Variants in TBC1D30 observed in about 807,000 individuals in gnomAD.
TBC1D30 encodes TBC1 domain family member 30, also known as TBC1 domain family, member 30.
In TBC1D30, 31 loss-of-function variants were observed where a neutral mutation model predicts 63.2. That is an observed-to-expected ratio of 0.49 (90% CI 0.37 to 0.66). TBC1D30 has a LOEUF of 0.66. Among genes scored for constraint, TBC1D30 ranks in the 30% least tolerant of loss-of-function variants. The pLI is 0.00. For missense variants in TBC1D30, 810 were observed against 953.6 expected (o/e 0.85, Z 1.98); for synonymous variants, 307 against 361.5 (o/e 0.85, Z 1.71).
chr12:64,846,808 TC>T (rs1340056965), intron 8 of TBC1D30, among the ~76,000 whole-genome samples: 1 of 144,490 alleles, frequency 6.9e-6, no homozygotes, highest in Non-Finnish European at 1.5e-5. Context: ...CAATATTGAT[TC>T]TTGCAATCCA....
chr12:64,811,066 A>G (rs1379614541), intron 2 of TBC1D30, among the ~76,000 whole-genome samples: 2 of 152,250 alleles, frequency 1.3e-5, no homozygotes, highest in Admixed American at 6.5e-5. Flanking sequence ...ATTTGGAATC[A>G]AGTTGTATAC....
chr12:64,815,766 T>C (rs1873488015), intron 2 of TBC1D30, among the ~76,000 whole-genome samples: 1 of 152,156 alleles, frequency 6.6e-6, no homozygotes, highest in East Asian at 1.9e-4. Flanking sequence ...AGAATAACGA[T>C]GTAAAGATAA....
rs74533366 is a variant in TBC1D30 at position 64,843,516 on chromosome 12, G to A, written c.1038+31G>A. Reference sequence around the variant, plus strand: ...TCGGCAACATGGAGCAGCTTGGCTCGGGGAACCCCGGGCACGGTGGGAACA... The same window carrying A: ...TCGGCAACATGGAGCAGCTTGGCTCAGGGAACCCCGGGCACGGTGGGAACA... On this transcript the variant is annotated intron_variant, in intron 8 of 11. Transcript: ENST00000539867. The A allele has an allele frequency of 5.6e-3, 8,391 of 1,505,882 alleles. 384 individuals carry two copies. The African/African-American group carries it at 0.1, about 18-fold the overall frequency. 93.3% of individuals were successfully genotyped at this position (1,505,882 alleles called of 1,614,324 possible).
intron 2 of TBC1D30, among the ~76,000 whole-genome samples, chr12:64,799,168 G>A (rs533924639): frequency 1.3e-5 from 2 of 152,128 alleles, no homozygotes; most frequent in South Asian, 2.1e-4. Context: ...GAGCTGATGG[G>A]ATGGGAGGGG....
At position 64,860,721 on chromosome 12, in the gene TBC1D30, A is replaced by G. The variant is rs373771812; in HGVS notation, c.1039-3947A>G. On this transcript the variant is annotated intron_variant, in intron 8 of 11. Transcript: ENST00000539867. ...ACAAAGAAACACTGGCTTTAAAGAA[A>G]CTTAAAGATCAGTTAAGCTAATTCT... is the stretch of plus-strand genomic sequence containing the variant. 4.6e-5 allele frequency among the ~76,000 whole-genome samples: 7 copies of G among 152,306 alleles called. No individual in the cohort carries two copies. The East Asian group carries it at 1.4e-3, about 29-fold the overall frequency.
upstream of TBC1D30, chr12:64,824,567 C>T (rs1874116176): frequency 1.4e-5 from 4 of 295,156 alleles, no homozygotes; most frequent in Middle Eastern, 9.1e-4. Flanking sequence ...GGATTGGGGG[C>T]GGGCACGCCG....
Position 64,825,889 on chromosome 12 carries a change from C to T in TBC1D30, c.154+856C>T, listed in dbSNP as rs559228422. The stretch of plus-strand genomic sequence containing the variant: ...AGGCGGGTTCACGGTCCCCGGCCCC[C>T]GCCCCCCAGCGCCAGCGCCTTGGGG... On this transcript the variant is annotated intron_variant, in intron 1 of 11. Coordinates refer to ENST00000539867, the MANE Select transcript of TBC1D30 (RefSeq NM_015279.2). Among the ~76,000 whole-genome samples, 40 of 152,308 alleles carry T rather than the reference C, an allele frequency of 2.6e-4. No individual in the cohort carries two copies. In the South Asian group the frequency reaches 8.3e-3, roughly 32 times the overall value.
At chr12:64,817,523 C>T (rs916818682) in intron 2 of TBC1D30, among the ~76,000 whole-genome samples, 3 of 152,186 alleles carry the variant, frequency 2.0e-5, no homozygotes, top group African/African-American at 4.8e-5. Context: ...TTGGAGCACA[C>T]GTTCTACATT....
upstream of TBC1D30, among the ~76,000 whole-genome samples, chr12:64,821,013 T>C (rs568102416): frequency 6.6e-6 from 1 of 152,348 alleles, no homozygotes; most frequent in African/African-American, 2.4e-5. Context: ...AGAGGTGAAA[T>C]TGAATGTTCC....
rs1879270844 is a variant in TBC1D30 at position 64,878,857 on chromosome 12, CAGAGTTTACCTAG to C, written c.*3082_*3094del. On this transcript the variant is annotated 3_prime_UTR_variant, in exon 12 of 12. Coordinates refer to ENST00000539867, the MANE Select transcript of TBC1D30 (RefSeq NM_015279.2). ...GCTGGTTCCTGAATATGAGTAAGCA[CAGAGTTTACCTAG>C]AGAGTTTACCTAAAATTAACCTTTA... 1 of 209,894 alleles carries C rather than the reference CAGAGTTTACCTAG, an allele frequency of 4.8e-6. No individual in the cohort carries two copies. Among genetic ancestry groups the C allele is most frequent in the African/African-American group, 2.3e-5 (1 of 44,090 alleles). 13.0% of individuals were successfully genotyped at this position (209,894 alleles called of 1,614,324 possible).
chr12:64,820,754 A>G (rs1373948682), upstream of TBC1D30, among the ~76,000 whole-genome samples: 1 of 152,232 alleles, frequency 6.6e-6, no homozygotes, highest in Non-Finnish European at 1.5e-5. Flanking sequence ...TATTCCAGAC[A>G]TGAAATAAAA....
chr12:64,837,212 C>T (rs1875442597), intron 6 of TBC1D30, among the ~76,000 whole-genome samples: 1 of 152,124 alleles, frequency 6.6e-6, no homozygotes, highest in African/African-American at 2.4e-5. Context: ...CAGTGGTCCC[C>T]AACCTTTTTG....
rs1361660674 is a variant in TBC1D30, at chr12:64,877,996, C to T, written c.*2208C>T. 1 of 163,854 alleles carries T rather than the reference C, an allele frequency of 6.1e-6. No homozygotes were observed. The highest frequency in any genetic ancestry group is 1.3e-5 in the Non-Finnish European group (1 of 74,468). 10.2% of individuals were successfully genotyped at this position (163,854 alleles called of 1,614,324 possible). On this transcript the variant is annotated 3_prime_UTR_variant, in exon 12 of 12. Coordinates refer to ENST00000539867, the MANE Select transcript of TBC1D30 (RefSeq NM_015279.2). ...GTCCACAAACTTAGTATCAACAACA[C>T]ATGCTGTGCCCTGTGAACACTCTCC...
chr12:64,819,564 G>A (rs1458189585), intron 2 of TBC1D30, among the ~76,000 whole-genome samples: 1 of 151,808 alleles, frequency 6.6e-6, no homozygotes, highest in East Asian at 1.9e-4. Context: ...TTACAGGTGT[G>A]CGCCACCACA....
At chr12:64,767,191 G>T (rs939595235) in intron 1 of TBC1D30, among the ~76,000 whole-genome samples, 1 of 151,478 alleles carries the variant, frequency 6.6e-6, no homozygotes, top group Non-Finnish European at 1.5e-5. Flanking sequence ...ATAAAAATTA[G>T]AGCAGAAATT....
At chr12:64,872,636 C>T (rs1054994644) in intron 11 of TBC1D30, among the ~76,000 whole-genome samples, 1 of 152,290 alleles carries the variant, frequency 6.6e-6, no homozygotes, top group South Asian at 2.1e-4. Context: ...CTAACAAGCC[C>T]GTAGGCACTG....
At position 64,876,992 on chromosome 12, in the gene TBC1D30, G is replaced by A. The variant is rs1384927601; in HGVS notation, c.*1204G>A. The A allele has an allele frequency of 1.1e-5, 5 of 448,702 alleles. No homozygotes were observed. The highest frequency in any genetic ancestry group is 1.8e-5 in the Non-Finnish European group (4 of 222,738). 27.8% of individuals were successfully genotyped at this position (448,702 alleles called of 1,614,324 possible). On this transcript the variant is annotated 3_prime_UTR_variant, in exon 12 of 12. Transcript: ENST00000539867. ...CCACATTTCCTTCAGTGCAATAGGT[G>A]GGTTTAATGCTCTTTGTACACAGAT...
chr12:64,851,905 G>C (rs1397613273), intron 8 of TBC1D30, among the ~76,000 whole-genome samples: 1 of 152,156 alleles, frequency 6.6e-6, no homozygotes, highest in East Asian at 1.9e-4. Context: ...AGTCTGATGG[G>C]CTTCCCTTTG....
chr12:64,825,828 C>T (rs1874286218), intron 1 of TBC1D30, among the ~76,000 whole-genome samples: 1 of 152,190 alleles, frequency 6.6e-6, no homozygotes, highest in Admixed American at 6.5e-5. Flanking sequence ...GTGCTTGGCG[C>T]TCACCTGTTC....
Sources: allele counts gnomAD v4.1 joint callset (sites outside exome capture counted in the v4.1 genomes callset), GRCh38; gene constraint gnomAD v4.1.1; transcripts MANE v1.5; gene names NCBI Gene and HGNC (gene_info 2026-07-23, HGNC 2026-07-21).